The following UBXN2A variants were observed in gnomAD, a reference collection of about 807,000 sequenced individuals.
The protein encoded by UBXN2A is UBX domain-containing protein 2A.
In UBXN2A, 28 loss-of-function variants were observed where a neutral mutation model predicts 28.4. The ratio of observed to expected loss-of-function variants is 0.99; its 90% CI spans 0.73 to 1.35. The LOEUF is 1.35. UBXN2A is among the 40% of genes most tolerant of loss of function. The probability of loss-of-function intolerance (pLI) is 0.00; values close to 1 mark genes in which losing one functional copy is unlikely to be tolerated. For synonymous variants in UBXN2A, 97 were observed against 103.6 expected, an observed-to-expected ratio of 0.94 and a Z score of 0.39; for missense variants, 253 against 297.9, an observed-to-expected ratio of 0.85 and a Z score of 1.11.
At chr2:23,944,050 C>T in intron 1 of UBXN2A, 4 of 589,614 alleles carry the variant, frequency 6.8e-6, no homozygotes, top group Non-Finnish European at 6.5e-6. Flanking sequence ...ATGTCGATGT[C>T]CATCTGCCAC....
At chr2:23,943,810 A>G in intron 1 of UBXN2A, 1 of 293,108 alleles carries the variant, frequency 3.4e-6, no homozygotes, top group Non-Finnish European at 6.8e-6. Flanking sequence ...TATATTTAAA[A>G]TGAGCTTTGC....
At chr2:23,943,556 TG>T (rs1486170810) in intron 1 of UBXN2A, among the ~76,000 whole-genome samples, 1 of 152,048 alleles carries the variant, frequency 6.6e-6, no homozygotes. Flanking sequence ...GACCCAATCT[TG>T]GCTCATGGCA....
At chr2:23,958,390 C>G (rs1706739998) in intron 2 of UBXN2A, 35 bp downstream of exon 2, 1 of 1,565,490 alleles carries the variant, frequency 6.4e-7, no homozygotes, top group East Asian at 2.3e-5. Context: ...TTTGTTAATG[C>G]CTTTGTTAAT....
intron 2 of UBXN2A, among the ~76,000 whole-genome samples, chr2:23,964,848 A>C (rs968982332): frequency 6.6e-6 from 1 of 152,200 alleles, no homozygotes; most frequent in Non-Finnish European, 1.5e-5. Flanking sequence ...CTGACATTTT[A>C]AGATGTGTTT....
chr2:23,965,906 A>G (rs1484971219), intron 2 of UBXN2A, among the ~76,000 whole-genome samples: 1 of 152,146 alleles, frequency 6.6e-6, no homozygotes, highest in Non-Finnish European at 1.5e-5. Flanking sequence ...AAGCCTATTC[A>G]TATTATCTGT....
At chr2:23,954,073 C>T (rs1050215909) in intron 1 of UBXN2A, among the ~76,000 whole-genome samples, 1 of 152,092 alleles carries the variant, frequency 6.6e-6, no homozygotes, top group East Asian at 1.9e-4. Context: ...AGTGCAATGG[C>T]GTGGTCTCAG....
At chr2:23,973,706 C>T (rs1475606691) in intron 3 of UBXN2A, among the ~76,000 whole-genome samples, 3 of 151,046 alleles carry the variant, frequency 2.0e-5, no homozygotes, top group Non-Finnish European at 2.9e-5. Context: ...ACAATTGGCT[C>T]ACTGCAACCT....
intron 2 of UBXN2A, among the ~76,000 whole-genome samples, chr2:23,963,779 T>C (rs954091820): frequency 2.0e-5 from 3 of 152,160 alleles, no homozygotes; most frequent in Non-Finnish European, 4.4e-5. Flanking sequence ...CAGAATGGAT[T>C]GCTGAATAGA....
chr2:23,960,210 C>T (rs1706837800), intron 2 of UBXN2A, among the ~76,000 whole-genome samples: 2 of 151,852 alleles, frequency 1.3e-5, no homozygotes, highest in Admixed American at 6.6e-5. Context: ...GAGTCGAGAT[C>T]GCGCCACTGC....
intron 1 of UBXN2A, among the ~76,000 whole-genome samples, chr2:23,945,746 AAT>A (rs1383046530): frequency 1.3e-5 from 2 of 152,094 alleles, no homozygotes; most frequent in Non-Finnish European, 2.9e-5. Flanking sequence ...TTGACCATGA[AAT>A]ATATGTTTTA....
At chr2:23,932,483 T>C (rs958246069) in intron 1 of UBXN2A, among the ~76,000 whole-genome samples, 1 of 151,924 alleles carries the variant, frequency 6.6e-6, no homozygotes, top group African/African-American at 2.4e-5. Context: ...CCTTCACTCA[T>C]CTCCAGGAGA....
rs142541205 is a variant in UBXN2A, at chr2:23,982,828, T to C, written c.288-68T>C. 1.5e-3 allele frequency: 2,205 copies of C among 1,492,982 alleles called. 20 individuals carry two copies. In the African/African-American group the frequency reaches 0.021, roughly 14 times the overall value. The allele number at this position is 1,492,982 out of a possible 1,614,324, so 92.5% of individuals were successfully genotyped here. On this transcript the variant is annotated intron_variant, in intron 4 of 6. Transcript: ENST00000309033. Reference sequence around the variant, plus strand: ...TTTCTACATATTCATTTTTTGTATGTACAGAATGTTTTTCAGAGAAATAAA... The same window carrying C: ...TTTCTACATATTCATTTTTTGTATGCACAGAATGTTTTTCAGAGAAATAAA...
chr2:23,982,092 G>T (rs1707932636), intron 4 of UBXN2A, among the ~76,000 whole-genome samples: 1 of 151,918 alleles, frequency 6.6e-6, no homozygotes, highest in African/African-American at 2.4e-5. Context: ...AGGCACGGTG[G>T]CTCACACCTG....
chr2:23,942,224 T>A (rs1048158584), intron 1 of UBXN2A, among the ~76,000 whole-genome samples: 1 of 152,118 alleles, frequency 6.6e-6, no homozygotes, highest in Admixed American at 6.6e-5. Flanking sequence ...AAAGTAATCT[T>A]TGAGCTTAGA....
chr2:23,982,234 G>T (rs1052549722), intron 4 of UBXN2A, among the ~76,000 whole-genome samples: 3 of 151,750 alleles, frequency 2.0e-5, no homozygotes, highest in South Asian at 2.1e-4. Flanking sequence ...GGGCGTGGTG[G>T]CAGGCGCCTG....
upstream of UBXN2A, among the ~76,000 whole-genome samples, chr2:23,937,673 C>T (rs1440538204): frequency 6.6e-6 from 1 of 152,122 alleles, no homozygotes; most frequent in Non-Finnish European, 1.5e-5. Context: ...GAATAAAATA[C>T]TTTGAAATAT....
intron 1 of UBXN2A, among the ~76,000 whole-genome samples, chr2:23,948,533 G>A (rs752019409): frequency 1.3e-5 from 2 of 152,068 alleles, no homozygotes; most frequent in East Asian, 1.9e-4. Context: ...GATTACAGGC[G>A]TGAGCTTGAA....
intron 6 of UBXN2A, among the ~76,000 whole-genome samples, chr2:23,985,156 T>C (rs1395501939): frequency 6.6e-6 from 1 of 152,192 alleles, no homozygotes; most frequent in Admixed American, 6.5e-5. Context: ...CACACTGGTC[T>C]CAAACTCCTG....
chr2:24,001,486 CAG>C lies in UBXN2A; in HGVS notation c.*1621_*1622del, dbSNP rs914657834. On this transcript the variant is annotated 3_prime_UTR_variant, in exon 7 of 7. Transcript: ENST00000309033. ...TTTTTTTGCAAATGATCTATTGAAT[CAG>C]ATTTAAAATGAAGCATGCATTGAGT... The C allele has an allele frequency of 6.6e-6, 1 of 151,908 alleles. No individual in the cohort carries two copies. Among genetic ancestry groups the C allele is most frequent in the Non-Finnish European group, 1.5e-5 (1 of 67,994 alleles). The allele number at this position is 151,908 out of a possible 1,614,324, so 9.4% of individuals were successfully genotyped here. A position where few individuals can be genotyped will look rare whatever the true frequency, so the allele number is the denominator to read the frequency against.
Sources: allele counts gnomAD v4.1 joint callset (sites outside exome capture counted in the v4.1 genomes callset), GRCh38; gene constraint gnomAD v4.1.1; transcripts MANE v1.5; gene names NCBI Gene and HGNC (gene_info 2026-07-23, HGNC 2026-07-21).